CARD9: variants seen among roughly 807,000 people sequenced by gnomAD.
CARD9 encodes caspase recruitment domain-containing protein 9.
Under a neutral mutation model 66.0 loss-of-function variants are expected in CARD9, and 53 were observed. The observed-to-expected ratio is 0.80, with a 90% CI of 0.64 to 1.01. The LOEUF is 1.01. Among genes scored for constraint, CARD9 ranks in the 50% least tolerant of loss-of-function variants. CARD9 has a pLI of 0.00. For missense variants in CARD9, 769 were observed against 743.2 expected, an observed-to-expected ratio of 1.03 and a Z score of -0.40; for synonymous variants, 387 against 313.8, an observed-to-expected ratio of 1.23 and a Z score of -2.47.
chr9:136,371,284 C>T, intron 3 of CARD9, 40 bp downstream of exon 3: 4 of 1,585,102 alleles, frequency 2.5e-6, no homozygotes, highest in South Asian at 1.1e-5. Flanking sequence ...CGCTCCCCGC[C>T]AGCGCCTCCC....
At chr9:136,364,901 C>G in intron 11 of CARD9, 1 of 595,284 alleles carries the variant, frequency 1.7e-6, no homozygotes, top group Non-Finnish European at 3.0e-6. Context: ...CCTCGGAAAA[C>G]CAGGACCAGG....
intron 9 of CARD9, 136 bp from the exon 10 acceptor site, chr9:136,366,981 C>T (rs1833139150): frequency 8.8e-7 from 1 of 1,140,600 alleles, no homozygotes; most frequent in East Asian, 2.4e-5. Flanking sequence ...TTCTCAGAGA[C>T]TCAGGTGCCC....
In CARD9 at chr9:136,364,377, C is replaced by G. The variant is rs761020680; in HGVS notation, c.1536G>C (p.Gln512His). The G allele has an allele frequency of 2.6e-6, 4 of 1,563,308 alleles. No individual in the cohort carries two copies. In the African/African-American group the frequency reaches 5.4e-5, roughly 21 times the overall value. ...CCTCCTCCCCCTGCCGCCATCCTTT[C>G]TGCATCTTCCTGAGGGCGCGCTTCC... ...YRRKRALRKM[Q>H]KGWRQGEEDR... Residue 512 changes from glutamine (Q) to histidine (H), a missense_variant, in exon 13 of 13, where the codon CAG becomes CAC. By Grantham distance (24) the Gln-to-His change is conservative. Coordinates refer to ENST00000371732, the MANE Select transcript of CARD9 (RefSeq NM_052813.5).
intron 12 of CARD9, 26 bp from the exon 13 acceptor site, chr9:136,364,427 G>A: frequency 6.5e-7 from 1 of 1,542,280 alleles, no homozygotes; most frequent in Non-Finnish European, 8.7e-7. Flanking sequence ...TCTCAGGCGC[G>A]ACCCGGCTGC....
At chr9:136,369,655 G>A (rs1276841968) in intron 7 of CARD9, 95 bp downstream of exon 7, 4 of 1,528,798 alleles carry the variant, frequency 2.6e-6, no homozygotes, top group Non-Finnish European at 3.5e-6. Flanking sequence ...AAATAACAAA[G>A]ATTAAAAATC....
rs756524811 is a variant in CARD9 at position 136,364,314 on chromosome 9, A to G, written c.1599T>C (p.Thr533=). Reference sequence around the variant, plus strand: ...TGCGCTGCTGCGGCTAGGAGCCCTCAGTGTCGGTGTTGTCGCTGCCCGTGG... The same window carrying G: ...TGCGCTGCTGCGGCTAGGAGCCCTCGGTGTCGGTGTTGTCGCTGCCCGTGG... ...ENTTGSDNTD[T]EGS The change falls in exon 13 of 13, where the codon ACT becomes ACC. Residue 533 remains threonine, a synonymous_variant. Coordinates refer to ENST00000371732, the MANE Select transcript of CARD9 (RefSeq NM_052813.5). 1.0e-5 allele frequency: 16 copies of G among 1,559,270 alleles called. No homozygotes were observed. The South Asian group carries it at 1.5e-4, about 15-fold the overall frequency.
In CARD9 at chr9:136,370,939, G is replaced by A. The variant is rs757342734; in HGVS notation, c.529C>T (p.Arg177Cys). The change falls in exon 4 of 13, where the codon CGC becomes TGC. Residue 177 changes from arginine to cysteine, a missense_variant. Transcript: ENST00000371732. ...AGGTCGTAGTTCTCCTCCTTGCAGCGCTTGAGCTCGCGGCTGCCGGCCTCG... is the reference window on the plus strand; with the variant it reads ...AGGTCGTAGTTCTCCTCCTTGCAGCACTTGAGCTCGCGGCTGCCGGCCTCG... Reference protein sequence around the residue: ...ECEAGSRELKRCKEENYDLAM... With the variant: ...ECEAGSRELKCCKEENYDLAM... The A allele has an allele frequency of 1.8e-5, 29 of 1,611,992 alleles. No individual in the cohort carries two copies. Among genetic ancestry groups the A allele is most frequent in the Non-Finnish European group, 2.2e-5 (26 of 1,179,744 alleles).
chr9:136,371,553 G>T, intron 2 of CARD9, 92 bp from the exon 3 acceptor site: 1 of 1,506,158 alleles, frequency 6.6e-7, no homozygotes, highest in Non-Finnish European at 8.9e-7. Flanking sequence ...GGTGGAGGCT[G>T]GCATGCAGAT....
intron 2 of CARD9, 81 bp from the exon 3 acceptor site, chr9:136,371,542 A>G: frequency 1.3e-6 from 2 of 1,516,344 alleles, no homozygotes; most frequent in South Asian, 2.5e-5. Flanking sequence ...GGGCAGGGAC[A>G]GGTGGAGGCT....
intron 9 of CARD9, 128 bp from the exon 10 acceptor site, chr9:136,366,973 C>G: frequency 3.4e-6 from 4 of 1,176,656 alleles, no homozygotes; most frequent in Non-Finnish European, 5.0e-6. Context: ...CACAGAGCTT[C>G]TCAGAGACTC....
chr9:136,367,011 G>A (rs1833140148), intron 9 of CARD9, among the ~76,000 whole-genome samples, 166 bp from the exon 10 acceptor site: 1 of 152,230 alleles, frequency 6.6e-6, no homozygotes, highest in African/African-American at 2.4e-5. Context: ...ACATTGGGCG[G>A]CCAGGAGGTG....
At position 136,367,686 on chromosome 9, in the gene CARD9, A is replaced by G; in HGVS notation, c.1220T>C (p.Leu407Pro). 1 of 1,600,922 alleles carries G rather than the reference A, an allele frequency of 6.2e-7. No individual in the cohort carries two copies. The highest frequency in any genetic ancestry group is 8.5e-7 in the Non-Finnish European group (1 of 1,178,454). The stretch of plus-strand genomic sequence containing the variant: ...CCGCCTGAGCCTGCCCTCCACGGCC[A>G]GTAGCTGCGCCTCACACTGGAACAC... ...LQVFQCEAQLLAVEGRLRRQQ... is the reference protein window; with the variant it reads ...LQVFQCEAQLPAVEGRLRRQQ... The change falls in exon 8 of 13, where the codon CTG (leucine) becomes CCG (proline). Residue 407 changes from leucine (L) to proline (P), a missense_variant. Coordinates refer to ENST00000371732, the MANE Select transcript of CARD9 (RefSeq NM_052813.5).
At position 136,367,825 on chromosome 9, in the gene CARD9, T is replaced by C. The variant is rs1338999078; in HGVS notation, c.1081A>G (p.Ile361Val). 2 of 1,599,076 alleles carry C rather than the reference T, an allele frequency of 1.3e-6. No homozygotes were observed. Among genetic ancestry groups the C allele is most frequent in the Non-Finnish European group, 1.7e-6 (2 of 1,177,886 alleles). ...EEVAIERDQA[I>V]ATREELHAQH... ...GCGTGCAGCTCCTCCCGCGTGGCTA[T>C]GGCCTGACGGGACAGCACAAGGCCG... Residue 361 changes from isoleucine (I) to valine (V), a missense_variant, in exon 8 of 13, where the codon ATA becomes GTA. Ile to Val is a conservative substitution (Grantham distance 29). Coordinates refer to ENST00000371732, the MANE Select transcript of CARD9 (RefSeq NM_052813.5).
rs1268381681 is a variant in CARD9 at position 136,364,527 on chromosome 9, C to T, written c.1467G>A (p.Glu489=). The T allele has an allele frequency of 6.5e-7, 1 of 1,539,134 alleles. No individual in the cohort carries two copies. Among genetic ancestry groups the T allele is most frequent in the Non-Finnish European group, 8.7e-7 (1 of 1,146,818 alleles). ...TCTCTTTGAGGCGCCGCCGCTCCTT[C>T]TCGGGCGGCTCCCCGCTGCTCAGGC... ...DAGLSSGEPP[E]KERRRLKESF... The change falls in exon 12 of 13, where the codon GAG becomes GAA. Residue 489 remains glutamate, a synonymous_variant. Coordinates refer to ENST00000371732, the MANE Select transcript of CARD9 (RefSeq NM_052813.5).
Position 136,370,283 on chromosome 9 carries a change from T to A in CARD9, c.951+11A>T. 6.3e-7 allele frequency: 1 copy of A among 1,598,152 alleles called. No homozygotes were observed. Among genetic ancestry groups the A allele is most frequent in the African/African-American group, 1.3e-5 (1 of 74,888 alleles). ...ACCCCAGGGGCCATGTCTCCCCGCC[T>A]GCCCTCCTACCCGGAGGCGTCGGGC... On this transcript the variant is annotated intron_variant, in intron 6 of 12. Coordinates refer to ENST00000371732, the MANE Select transcript of CARD9 (RefSeq NM_052813.5).
At chr9:136,367,518 A>T in intron 8 of CARD9, 119 bp downstream of exon 8, 1 of 1,271,314 alleles carries the variant, frequency 7.9e-7, no homozygotes, top group Non-Finnish European at 1.1e-6. Flanking sequence ...GGGTTTGGTT[A>T]GGTTGGGGCC....
At chr9:136,365,430 C>G (rs1295139299) in intron 10 of CARD9, 3 of 585,652 alleles carry the variant, frequency 5.1e-6, no homozygotes, top group Non-Finnish European at 9.2e-6. Flanking sequence ...CCGCCAGATG[C>G]CAGCCCAGGC....
Position 136,370,717 on chromosome 9 carries a change from T to G in CARD9, c.628-16A>C. 6.2e-7 allele frequency: 1 copy of G among 1,612,662 alleles called. No homozygotes were observed. The highest frequency in any genetic ancestry group is 8.5e-7 in the Non-Finnish European group (1 of 1,179,848). On this transcript the variant is annotated splice_polypyrimidine_tract_variant and intron_variant, in intron 4 of 12. Coordinates refer to ENST00000371732, the MANE Select transcript of CARD9 (RefSeq NM_052813.5). ...GCTGGTCAATCTGCAGAAGGTCCAGTGAGCCTGGCTGTCCCCTCCAGGCGG... is the reference window on the plus strand; with the variant it reads ...GCTGGTCAATCTGCAGAAGGTCCAGGGAGCCTGGCTGTCCCCTCCAGGCGG...
At chr9:136,366,547 C>A (rs996835060) in intron 10 of CARD9, 3 of 570,044 alleles carry the variant, frequency 5.3e-6, no homozygotes, top group African/African-American at 3.8e-5. Flanking sequence ...TGGGGGCTGC[C>A]CAGACCCCCA....
Sources: gnomAD v4.1 joint callset for allele counts (sites outside exome capture counted in the v4.1 genomes callset) on GRCh38, gnomAD v4.1.1 for gene constraint, MANE v1.5 for transcripts, NCBI Gene and HGNC (gene_info 2026-07-23, HGNC 2026-07-21) for gene names.